The following DOT1L variants were observed in gnomAD, a reference collection of about 807,000 sequenced individuals.
DOT1L encodes the protein DOT1 like histone lysine methyltransferase, also known as histone-lysine N-methyltransferase, H3 lysine-79 specific.
A neutral mutation model predicts 153.3 loss-of-function variants in DOT1L; 33 were observed. The observed-to-expected ratio is 0.22, with a 90% CI of 0.16 to 0.29. The LOEUF (loss-of-function observed/expected upper bound fraction) is 0.29. Ranked by LOEUF, DOT1L falls within the 10% of genes least tolerant of loss-of-function variation. The pLI is 1.00. For synonymous variants in DOT1L, 1,135 were observed against 965.1 expected (o/e 1.18, Z -3.26); for missense variants, 1,847 against 2,119.9 (o/e 0.87, Z 2.53).
At position 2,226,574 on chromosome 19, in the gene DOT1L, G is replaced by T; in HGVS notation, c.4053G>T (p.Leu1351=). The T allele has an allele frequency of 6.2e-7, 1 of 1,600,676 alleles. No homozygotes were observed. Among genetic ancestry groups the T allele is most frequent in the Non-Finnish European group, 8.5e-7 (1 of 1,178,534 alleles). ...AGGCGGCCGGCCTGAGCTCCCCGCT[G>T]AGCTTCCCCTCGCAGCGCGGCAAGG... ...GPEAAGLSSP[L]SFPSQRGKEG... Residue 1351 remains leucine (L), a synonymous_variant, in exon 27 of 28, where the codon CTG becomes CTT. Transcript: ENST00000398665.
At chr19:2,214,654 T>C (rs957520627) in intron 19 of DOT1L, 58 bp downstream of exon 19, 2 of 1,589,360 alleles carry the variant, frequency 1.3e-6, no homozygotes, top group South Asian at 1.1e-5. Flanking sequence ...TCAGCCTCCC[T>C]GTGACGTCGT....
chr19:2,202,847 C>T (rs774149691), intron 9 of DOT1L, 68 bp downstream of exon 9: 56 of 1,542,068 alleles, frequency 3.6e-5, no homozygotes, highest in Admixed American at 2.2e-4. Context: ...AGGAGGTCCC[C>T]GCAGGGTGTC....
In DOT1L at chr19:2,177,892, C is replaced by T. The variant is rs563875080; in HGVS notation, c.82-2821C>T. Reference sequence around the variant, plus strand: ...TTCTCCTGCCTCAGCCACTGAGTATCTTGGATTACAGGTGTGTGCCACCAC... The same window carrying T: ...TTCTCCTGCCTCAGCCACTGAGTATTTTGGATTACAGGTGTGTGCCACCAC... On this transcript the variant is annotated intron_variant, in intron 1 of 27. Transcript: ENST00000398665. 2.0e-4 allele frequency among the ~76,000 whole-genome samples: 30 copies of T among 151,434 alleles called. No homozygotes were observed. In the East Asian group the frequency reaches 5.7e-3, roughly 29 times the overall value.
Position 2,231,718 on chromosome 19 carries a change from G to A in DOT1L, c.*1926G>A, listed in dbSNP as rs1332493507. The A allele has an allele frequency of 4.7e-6, 1 of 213,630 alleles. No homozygotes were observed. The highest frequency in any genetic ancestry group is 9.5e-6 in the Non-Finnish European group (1 of 105,766). The allele number at this position is 213,630 out of a possible 1,614,324, so 13.2% of individuals were successfully genotyped here. On this transcript the variant is annotated 3_prime_UTR_variant, in exon 28 of 28. Coordinates refer to ENST00000398665, the MANE Select transcript of DOT1L (RefSeq NM_032482.3). ...CACGGGCCGGATACGCCACAGGGTTGATGGCAGAGACGGCCGAGTCCCTGG... is the reference window on the plus strand; with the variant it reads ...CACGGGCCGGATACGCCACAGGGTTAATGGCAGAGACGGCCGAGTCCCTGG...
In DOT1L at chr19:2,208,786, G is replaced by A; in HGVS notation, c.964-149G>A. 1 of 773,386 alleles carries A rather than the reference G, an allele frequency of 1.3e-6. No homozygotes were observed. Among genetic ancestry groups the A allele is most frequent in the Non-Finnish European group, 2.1e-6 (1 of 471,612 alleles). The allele number at this position is 773,386 out of a possible 1,614,324, so 47.9% of individuals were successfully genotyped here. ...TTAGTCACATCCGCGTTTGCCACTG[G>A]GGGGCTCTAGCTGCATGCCTGCTGT... On this transcript the variant is annotated intron_variant, in intron 11 of 27. Transcript: ENST00000398665. The surrounding 1 kb of genome is among the most constrained non-coding windows in gnomAD (Gnocchi z 4.4).
At chr19:2,228,177 G>A in intron 27 of DOT1L, 1 of 1,364,302 alleles carries the variant, frequency 7.3e-7, no homozygotes, top group Non-Finnish European at 9.8e-7. Context: ...CCCGCACAAG[G>A]GCGCCCGCCC....
At chr19:2,205,570 G>T (rs556261358) in intron 9 of DOT1L, among the ~76,000 whole-genome samples, 1 of 152,176 alleles carries the variant, frequency 6.6e-6, no homozygotes, top group Non-Finnish European at 1.5e-5. Context: ...GAATCCCAGG[G>T]TTCAGAGGTA....
intron 2 of DOT1L, among the ~76,000 whole-genome samples, chr19:2,181,878 G>A (rs1361728684): frequency 6.6e-6 from 1 of 152,212 alleles, no homozygotes; most frequent in African/African-American, 2.4e-5. Context: ...CCAAGACTCT[G>A]CTGGCGTGGG....
intron 22 of DOT1L, among the ~76,000 whole-genome samples, chr19:2,219,724 G>A (rs183258651): frequency 2.6e-5 from 4 of 152,244 alleles, no homozygotes; most frequent in East Asian, 3.9e-4. Context: ...GTGTGTTCTC[G>A]CAAGCGCCCT....
intron 26 of DOT1L, 137 bp downstream of exon 26, chr19:2,225,589 G>C: frequency 1.0e-6 from 1 of 985,000 alleles, no homozygotes; most frequent in Non-Finnish European, 1.6e-6. Context: ...GTCCTGCGTG[G>C]TGCTGGCCTG....
At chr19:2,196,133 C>T (rs1016681022) in intron 7 of DOT1L, among the ~76,000 whole-genome samples, 1 of 152,244 alleles carries the variant, frequency 6.6e-6, no homozygotes, top group Non-Finnish European at 1.5e-5. Context: ...TAGCACGCGC[C>T]CCTGTCCCCA....
chr19:2,172,794 G>T (rs751457841), intron 1 of DOT1L, among the ~76,000 whole-genome samples: 4 of 152,054 alleles, frequency 2.6e-5, no homozygotes, highest in South Asian at 2.1e-4. Flanking sequence ...GAGCCACTGC[G>T]CCTGGCAATA....
intron 7 of DOT1L, among the ~76,000 whole-genome samples, chr19:2,195,610 C>T (rs1568344347): frequency 6.6e-6 from 1 of 151,874 alleles, no homozygotes; most frequent in Admixed American, 6.6e-5. Context: ...GCCCCTCGAG[C>T]CTCAGAGCCC....
chr19:2,213,333 T>G, intron 16 of DOT1L: 3 of 512,614 alleles, frequency 5.9e-6, no homozygotes, highest in Non-Finnish European at 1.0e-5. Context: ...CTGGCGAGAG[T>G]TCTTTGCAGT....
chr19:2,222,687 T>C lies in DOT1L; in HGVS notation c.3390+128T>C. 1 of 888,168 alleles carries C rather than the reference T, an allele frequency of 1.1e-6. No homozygotes were observed. Among genetic ancestry groups the C allele is most frequent in the Non-Finnish European group, 1.7e-6 (1 of 601,648 alleles). 55.0% of individuals were successfully genotyped at this position (888,168 alleles called of 1,614,324 possible). ...AGGCCGAGGCGGGTGGATCACAAGA[T>C]CAGGACATCAAGACCATCCTGGCTA... On this transcript the variant is annotated intron_variant, in intron 24 of 27. Transcript: ENST00000398665. The surrounding 1 kb of genome is among the most constrained non-coding windows in gnomAD (Gnocchi z 6.5).
intron 15 of DOT1L, 106 bp downstream of exon 15, chr19:2,211,318 C>A: frequency 1.0e-6 from 1 of 992,318 alleles, no homozygotes; most frequent in Non-Finnish European, 1.5e-6. Flanking sequence ...GACCTCCATG[C>A]TGGACCCCAC....
rs781227312 is a variant in DOT1L, at chr19:2,210,870, C to T, written c.1351+15C>T. The T allele has an allele frequency of 7.5e-6, 12 of 1,610,356 alleles. No homozygotes were observed. The highest frequency in any genetic ancestry group is 1.6e-4 in the Middle Eastern group (1 of 6,072). On this transcript the variant is annotated intron_variant, in intron 14 of 27. Coordinates refer to ENST00000398665, the MANE Select transcript of DOT1L (RefSeq NM_032482.3). ...CTCACCCCAGGGTGAGCCGCCCCCACGCCACGGCCCCCGCTCTCCCCGAGT... is the reference window on the plus strand; with the variant it reads ...CTCACCCCAGGGTGAGCCGCCCCCATGCCACGGCCCCCGCTCTCCCCGAGT...
At chr19:2,188,891 G>A (rs535736745) in intron 3 of DOT1L, among the ~76,000 whole-genome samples, 61 of 152,308 alleles carry the variant, frequency 4.0e-4, no homozygotes, top group Non-Finnish European at 6.8e-4. Flanking sequence ...GCTGGGCCGC[G>A]TGGCCGGTGT....
In DOT1L at chr19:2,193,592, T is replaced by TTAAAAAA; in HGVS notation, c.494-97_494-96insTAAAAAA. The stretch of plus-strand genomic sequence containing the variant: ...CTGTGGCCTCCCCTGTGGGTCTTCA[T>TTAAAAAA]GGCCGCATTCTTGTGGCCTCTGTCT... On this transcript the variant is annotated intron_variant, in intron 5 of 27. Transcript: ENST00000398665. The surrounding 1 kb of genome is among the most constrained non-coding windows in gnomAD (Gnocchi z 5.9). 1 of 1,183,142 alleles carries TTAAAAAA rather than the reference T, an allele frequency of 8.5e-7. No individual in the cohort carries two copies. The highest frequency in any genetic ancestry group is 1.2e-6 in the Non-Finnish European group (1 of 814,538). The allele number at this position is 1,183,142 out of a possible 1,614,324, so 73.3% of individuals were successfully genotyped here. A position where few individuals can be genotyped will look rare whatever the true frequency, so the allele number is the denominator to read the frequency against.
Sources: allele counts gnomAD v4.1 joint callset (sites outside exome capture counted in the v4.1 genomes callset), GRCh38; gene constraint gnomAD v4.1.1; non-coding constraint Gnocchi (gnomAD v3.1); transcripts MANE v1.5; gene names NCBI Gene and HGNC (gene_info 2026-07-23, HGNC 2026-07-21).